The following SNHG17 variants were observed in gnomAD, a reference collection of about 807,000 sequenced individuals.
The protein encoded by SNHG17 is small nucleolar RNA host gene 17 (non-protein coding).
intron 1 of SNHG17, chr20:38,434,997 A>G (rs949975834): frequency 1.6e-6 from 2 of 1,229,978 alleles, no homozygotes; most frequent in Non-Finnish European, 2.0e-6. Flanking sequence ...TGGCCCGCTC[A>G]GCACTGCCGC....
chr20:38,427,492 C>A, intron 3 of SNHG17: 1 of 479,900 alleles, frequency 2.1e-6, no homozygotes, highest in South Asian at 1.5e-5. Context: ...GTGCCAGGGC[C>A]TGTGGGATGA....
At position 38,431,999 on chromosome 20, in the gene SNHG17, A is replaced by G. The variant is rs976989625; in HGVS notation, n.309-887T>C. 11 of 985,328 alleles carry G rather than the reference A, an allele frequency of 1.1e-5. No individual in the cohort carries two copies. In the African/African-American group the frequency reaches 1.9e-4, roughly 17 times the overall value. 61.0% of individuals were successfully genotyped at this position (985,328 alleles called of 1,614,324 possible). A position where few individuals can be genotyped will look rare whatever the true frequency, so the allele number is the denominator to read the frequency against. ...CAGATCTCCAGAGGACAGACCTCAT[A>G]GAACACCATGGTCCACCTGCTTCCT... On this transcript the variant is annotated intron_variant and non_coding_transcript_variant, in intron 2 of 8. Coordinates refer to ENST00000654008, the Ensembl canonical transcript of SNHG17.
chr20:38,430,267 G>A (rs932651912), intron 3 of SNHG17, among the ~76,000 whole-genome samples: 4 of 151,882 alleles, frequency 2.6e-5, no homozygotes, highest in Non-Finnish European at 5.9e-5. Context: ...GTTGCAGTGA[G>A]TCAGGATCAC....
intron 5 of SNHG17, among the ~76,000 whole-genome samples, chr20:38,425,761 A>T (rs944432951): frequency 3.9e-5 from 6 of 152,180 alleles, no homozygotes; most frequent in African/African-American, 1.4e-4. Context: ...GGATTGTGTG[A>T]TACTATCCAC....
At chr20:38,422,442 A>G (rs1014017756) in intron 5 of SNHG17, among the ~76,000 whole-genome samples, 5 of 152,346 alleles carry the variant, frequency 3.3e-5, no homozygotes, top group African/African-American at 4.8e-5. Context: ...CACTGTCTCT[A>G]TTAGTACTTA....
chr20:38,422,742 G>A (rs1252431640), intron 5 of SNHG17, among the ~76,000 whole-genome samples: 1 of 152,066 alleles, frequency 6.6e-6, no homozygotes, highest in Admixed American at 6.6e-5. Flanking sequence ...AAAAGAAAAT[G>A]TGGCATACGC....
chr20:38,435,068 T>C, intron 1 of SNHG17: 1 of 1,231,804 alleles, frequency 8.1e-7, no homozygotes, highest in Non-Finnish European at 1.0e-6. Flanking sequence ...CCTGGGGGGC[T>C]CACTCCGGCA....
At chr20:38,429,337 GAAC>G (rs745950830) in intron 3 of SNHG17, 37 of 175,922 alleles carry the variant, frequency 2.1e-4, no homozygotes, top group Non-Finnish European at 3.9e-4. Context: ...ACAAAGTAGG[GAAC>G]AAAATTCAGA....
At chr20:38,433,962 G>C (rs527258462) in intron 2 of SNHG17, 1 of 519,218 alleles carries the variant, frequency 1.9e-6, no homozygotes, top group Non-Finnish European at 3.8e-6. Context: ...TCAATGACCA[G>C]GGCACAGGCA....
chr20:38,434,711 C>A, intron 1 of SNHG17: 1 of 380,860 alleles, frequency 2.6e-6, no homozygotes, highest in Non-Finnish European at 3.6e-6. Flanking sequence ...GGAGTGCTGG[C>A]AGCGTCTTCC....
intron 2 of SNHG17, among the ~76,000 whole-genome samples, chr20:38,433,197 A>G (rs2084366366): frequency 2.6e-5 from 4 of 151,740 alleles, no homozygotes; most frequent in Non-Finnish European, 4.4e-5. Context: ...GATGGTCTTG[A>G]ACTCCTGGCC....
intron 5 of SNHG17, among the ~76,000 whole-genome samples, chr20:38,423,860 T>C (rs1412190344): frequency 6.6e-6 from 1 of 152,122 alleles, no homozygotes; most frequent in Non-Finnish European, 1.5e-5. Flanking sequence ...TAAACTCAAA[T>C]ATAGACAATA....
At chr20:38,435,297 T>G in exon 1 of SNHG17, 1 of 1,231,614 alleles carries the variant, frequency 8.1e-7, no homozygotes, top group Non-Finnish European at 1.0e-6. Context: ...TGGCGTGCGA[T>G]GGCGAAGGAC....
chr20:38,430,061 A>T (rs1036850502), intron 3 of SNHG17, among the ~76,000 whole-genome samples: 3 of 152,210 alleles, frequency 2.0e-5, no homozygotes, highest in Non-Finnish European at 4.4e-5. Context: ...TCACGCCTGT[A>T]ATCCCAGCAC....
chr20:38,425,762 T>C (rs965879446), intron 5 of SNHG17, among the ~76,000 whole-genome samples: 2 of 152,146 alleles, frequency 1.3e-5, no homozygotes, highest in Non-Finnish European at 1.5e-5. Context: ...GATTGTGTGA[T>C]ACTATCCACA....
intron 2 of SNHG17, chr20:38,434,079 G>A (rs572946959): frequency 4.1e-6 from 2 of 486,970 alleles, no homozygotes; most frequent in South Asian, 1.5e-5. Context: ...GGGAAGAGAA[G>A]GGTACCCAGG....
At chr20:38,435,291 G>T in exon 1 of SNHG17, 2 of 1,231,720 alleles carry the variant, frequency 1.6e-6, no homozygotes, top group Non-Finnish European at 2.0e-6. Flanking sequence ...GTGCGGTGGC[G>T]TGCGATGGCG....
intron 2 of SNHG17, among the ~76,000 whole-genome samples, chr20:38,431,293 C>T (rs1418733266): frequency 1.3e-5 from 2 of 152,220 alleles, no homozygotes; most frequent in African/African-American, 4.8e-5. Context: ...GAGGTCATCC[C>T]GTCTGAAATG....
intron 5 of SNHG17, chr20:38,425,467 A>G (rs2084230784): frequency 2.3e-5 from 9 of 399,572 alleles, no homozygotes; most frequent in South Asian, 1.3e-4. Flanking sequence ...CTGATTCCCA[A>G]AGATTTCTAA....
Sources: gnomAD v4.1 joint callset for allele counts (sites outside exome capture counted in the v4.1 genomes callset) on GRCh38, gnomAD v4.1.1 for gene constraint, MANE v1.5 for transcripts, NCBI Gene and HGNC (gene_info 2026-07-23, HGNC 2026-07-21) for gene names.